The following RECQL5 variants were observed in gnomAD, a reference collection of about 807,000 sequenced individuals.
RECQL5 encodes the protein RecQ like helicase 5.
A neutral mutation model predicts 103.4 loss-of-function variants in RECQL5; 88 were observed. The observed-to-expected ratio is 0.85, with a 90% confidence interval of 0.72 to 1.02. RECQL5 has a LOEUF of 1.02. RECQL5 is among the 50% of genes least tolerant of loss of function. The probability of loss-of-function intolerance (pLI) is 0.00; values close to 1 mark genes in which losing one functional copy is unlikely to be tolerated. For synonymous variants in RECQL5, 552 were observed against 507.9 expected (o/e 1.09, Z -1.17); for missense variants, 1,232 against 1,284.3 (o/e 0.96, Z 0.62).
chr17:75,660,440 T>C (rs1450923179), intron 6 of RECQL5, among the ~76,000 whole-genome samples: 9 of 152,204 alleles, frequency 5.9e-5, no homozygotes, highest in African/African-American at 2.2e-4. Context: ...GGATAGTCTT[T>C]ACATAAATCT....
At chr17:75,648,671 CTTTTT>C (rs59201126) in intron 8 of RECQL5, among the ~76,000 whole-genome samples, 5 of 94,346 alleles carry the variant, frequency 5.3e-5, no homozygotes, top group Admixed American at 1.1e-4. Context: ...GGCGCCCGGC[CTTTTT>C]TTTTTTTTTT....
chr17:75,641,409 T>C lies in RECQL5; in HGVS notation c.1230-9741A>G, dbSNP rs114705209. The C allele has an allele frequency of 8.5e-3, 1,324 of 155,848 alleles. 22 individuals are homozygous for C. Among genetic ancestry groups the C allele is most frequent in the African/African-American group, 0.029 (1,223 of 41,676 alleles). 9.7% of individuals were successfully genotyped at this position (155,848 alleles called of 1,614,324 possible). ...TAAAAGCTTTTGTGTTACGTGTTTC[T>C]GCGGTGCCGGACTCCCTGAGGTTGG... On this transcript the variant is annotated intron_variant, in intron 8 of 19. Transcript: ENST00000317905.
intron 6 of RECQL5, among the ~76,000 whole-genome samples, chr17:75,659,538 G>A (rs756820551): frequency 2.0e-4 from 31 of 151,846 alleles, no homozygotes; most frequent in Non-Finnish European, 4.4e-4. Flanking sequence ...TAATTTTATA[G>A]AGATGGAGTC....
At chr17:75,633,453 C>T (rs1255842273) in intron 8 of RECQL5, 1 of 1,289,024 alleles carries the variant, frequency 7.8e-7, no homozygotes, top group Non-Finnish European at 1.0e-6. Context: ...AGCAGAAGGC[C>T]CTCACCTCAC....
intron 8 of RECQL5, chr17:75,650,440 C>G (rs2059540188): frequency 7.5e-7 from 1 of 1,331,536 alleles, no homozygotes; most frequent in Non-Finnish European, 9.6e-7. Context: ...CACTGAAAAT[C>G]AGGAGACGGG....
intron 7 of RECQL5, among the ~76,000 whole-genome samples, chr17:75,655,685 T>C (rs747628740): frequency 1.8e-4 from 27 of 151,488 alleles, no homozygotes; most frequent in Non-Finnish European, 2.8e-4. Flanking sequence ...TATTTTTATT[T>C]TGAGACAGGG....
In RECQL5 at chr17:75,628,122, C is replaced by T. The variant is rs2059135956; in HGVS notation, c.2805+96G>A. On this transcript the variant is annotated intron_variant, in intron 18 of 19. Transcript: ENST00000317905. ...ACGGGCGTGGGGCTGGCCCTAGGCC[C>T]ACTGTGTTCTGGGGCTCAAACTCCC... is the stretch of plus-strand genomic sequence containing the variant. The T allele has an allele frequency of 1.3e-5, 14 of 1,102,184 alleles. No homozygotes were observed. The South Asian group carries it at 1.5e-4, about 12-fold the overall frequency. The allele number at this position is 1,102,184 out of a possible 1,614,324, so 68.3% of individuals were successfully genotyped here.
intron 8 of RECQL5, among the ~76,000 whole-genome samples, chr17:75,643,081 A>G (rs183869874): frequency 6.6e-6 from 1 of 152,242 alleles, no homozygotes; most frequent in Admixed American, 6.5e-5. Flanking sequence ...GTGGTGCCCA[A>G]TGAGGCACCC....
chr17:75,630,411 T>C, intron 13 of RECQL5, 134 bp from the exon 14 acceptor site: 1 of 912,006 alleles, frequency 1.1e-6, no homozygotes. Context: ...CTGAGCACCC[T>C]GTGGCTTACT....
chr17:75,665,309 C>T (rs955244108), intron 2 of RECQL5, 137 bp from the exon 3 acceptor site: 17 of 715,724 alleles, frequency 2.4e-5, no homozygotes, highest in Non-Finnish European at 3.6e-5. Flanking sequence ...ATCCTAATTC[C>T]CCTCCTGTCC....
chr17:75,631,470 C>T lies in RECQL5; in HGVS notation c.1428G>A (p.Lys476=), dbSNP rs2148235682. ...CTTACCTGCTGAAGTCCCCGTAGCC[C>T]TTGCGGCCTCCCTCATACAGCTCGG... ...FDPELYEGGR[K]GYGDFSRYDE... Residue 476 remains lysine (K), a synonymous_variant, in exon 9 of 20, where the codon AAG becomes AAA. Transcript: ENST00000317905. The T allele has an allele frequency of 3.1e-6, 5 of 1,611,908 alleles. No individual in the cohort carries two copies. In the East Asian group the frequency reaches 6.7e-5, roughly 22 times the overall value.
Position 75,666,589 on chromosome 17 carries a change from C to G in RECQL5, c.-14-18G>C, listed in dbSNP as rs768316653. ...CAAGAACAGTGGCCAAAGGTTAAGG[C>G]AAAGGTAGTAAAAGGTTGCCACGAG... On this transcript the variant is annotated intron_variant, in intron 1 of 19. Coordinates refer to ENST00000317905, the MANE Select transcript of RECQL5 (RefSeq NM_004259.7). The G allele has an allele frequency of 1.2e-6, 2 of 1,607,146 alleles. No individual in the cohort carries two copies. The highest frequency in any genetic ancestry group is 1.7e-6 in the Non-Finnish European group (2 of 1,177,480).
At chr17:75,666,105 A>T (rs1183803914) in intron 2 of RECQL5, among the ~76,000 whole-genome samples, 1 of 152,084 alleles carries the variant, frequency 6.6e-6, no homozygotes, top group African/African-American at 2.4e-5. Context: ...TGAAATATAG[A>T]CCAGCTGGGT....
At chr17:75,650,545 T>C (rs2059541351) in intron 8 of RECQL5, 1 of 1,512,108 alleles carries the variant, frequency 6.6e-7, no homozygotes, top group Non-Finnish European at 8.9e-7. Context: ...CACGTCAGCG[T>C]CATCCGACAG....
intron 8 of RECQL5, 181 bp downstream of exon 8, chr17:75,651,004 CG>C (rs1200186232): frequency 1.1e-4 from 170 of 1,512,678 alleles, no homozygotes; most frequent in Non-Finnish European, 1.4e-4. Flanking sequence ...CGAGAGATCC[CG>C]GGGCCTCCAA....
Position 75,627,612 on chromosome 17 carries a change from C to G in RECQL5, c.2875+11G>C, listed in dbSNP as rs144522540. The G allele has an allele frequency of 3.6e-5, 58 of 1,613,354 alleles. No individual in the cohort carries two copies. In the African/African-American group the frequency reaches 6.9e-4, roughly 19 times the overall value. On this transcript the variant is annotated intron_variant, in intron 19 of 19. Transcript: ENST00000317905. ...CAAGTGCCTCCTGGCCCTGGCAATG[C>G]CAGCGCTCACCGCTCCTTCCAGGAG... is the stretch of plus-strand genomic sequence containing the variant.
chr17:75,658,571 G>T (rs965267489), intron 6 of RECQL5, 111 bp from the exon 7 acceptor site: 5 of 967,948 alleles, frequency 5.2e-6, no homozygotes, highest in Non-Finnish European at 6.3e-6. Flanking sequence ...GGAGGGAGAG[G>T]GATAGTCCCA....
intron 8 of RECQL5, chr17:75,635,872 A>G (rs1307249400): frequency 1.1e-5 from 11 of 985,316 alleles, no homozygotes; most frequent in East Asian, 1.1e-4. Context: ...GGGTTGGAGT[A>G]TCAGCTCTGC....
intron 8 of RECQL5, chr17:75,647,288 T>C: frequency 8.2e-7 from 1 of 1,221,208 alleles, no homozygotes. Context: ...CTACAGAGGC[T>C]GGAGTCGGCG....
Sources: allele counts gnomAD v4.1 joint callset (sites outside exome capture counted in the v4.1 genomes callset), GRCh38; gene constraint gnomAD v4.1.1; transcripts MANE v1.5; gene names NCBI Gene and HGNC (gene_info 2026-07-23, HGNC 2026-07-21).